The following TAF3 variants were observed in gnomAD, a reference collection of about 807,000 sequenced individuals.
TAF3 encodes the protein transcription initiation factor TFIID subunit 3.
In TAF3, 7 loss-of-function variants were observed where a neutral mutation model predicts 80.6. The observed-to-expected ratio is 0.09, with a 90% CI of 0.05 to 0.16. The LOEUF is 0.16. Among genes scored for constraint, TAF3 ranks in the 10% least tolerant of loss-of-function variants. TAF3 has a pLI of 1.00. For missense variants in TAF3, 921 were observed against 1,140.2 expected (o/e 0.81, Z 2.77); for synonymous variants, 444 against 446.1 (o/e 1.00, Z 0.06).
At chr10:8,002,717 T>C (rs1261090809) in intron 4 of TAF3, among the ~76,000 whole-genome samples, 1 of 152,218 alleles carries the variant, frequency 6.6e-6, no homozygotes, top group Non-Finnish European at 1.5e-5. Flanking sequence ...ATTATTCTTA[T>C]TCAAACCTAT....
At chr10:7,990,994 A>G (rs180752858) in intron 4 of TAF3, among the ~76,000 whole-genome samples, 48 of 152,332 alleles carry the variant, frequency 3.2e-4, no homozygotes, top group Admixed American at 1.4e-3. Flanking sequence ...CAGCTCTCAG[A>G]TGCCTTCAAC....
chr10:7,895,427 GT>G (rs1837495800), intron 2 of TAF3, among the ~76,000 whole-genome samples: 1 of 152,168 alleles, frequency 6.6e-6, no homozygotes, highest in Non-Finnish European at 1.5e-5. Context: ...CCACGGCTCT[GT>G]TTTTAAGCAT....
intron 4 of TAF3, among the ~76,000 whole-genome samples, chr10:8,002,633 A>G (rs1177400999): frequency 6.6e-6 from 1 of 152,190 alleles, no homozygotes; most frequent in African/African-American, 2.4e-5. Flanking sequence ...ATTGTTCAGT[A>G]TATTTTAGAA....
chr10:7,858,042 G>A (rs2490304), intron 2 of TAF3, among the ~76,000 whole-genome samples: 52,928 of 151,456 alleles, frequency 0.35, 9,249 homozygotes, highest in South Asian at 0.44. Flanking sequence ...AAAGAGGTTT[G>A]AACGGCCTCA....
At chr10:7,978,958 T>G (rs1420826856) in intron 4 of TAF3, among the ~76,000 whole-genome samples, 5 of 148,962 alleles carry the variant, frequency 3.4e-5, no homozygotes, top group African/African-American at 5.0e-5. Context: ...GGAAGATCAC[T>G]TGAGGCCAGG....
chr10:7,963,957 A>G lies in TAF3; in HGVS notation c.447A>G (p.Thr149=), dbSNP rs748383469. 1.2e-6 allele frequency: 2 copies of G among 1,613,330 alleles called. No individual in the cohort carries two copies. The highest frequency in any genetic ancestry group is 1.7e-5 in the Admixed American group (1 of 59,962). The change falls in exon 3 of 7, where the codon ACA becomes ACG. Residue 149 remains threonine (T), a synonymous_variant. Coordinates refer to ENST00000344293, the MANE Select transcript of TAF3 (RefSeq NM_031923.4). ...AGCAGGTGCCCACTGATGGAGGCAC[A>G]TCAGCAGAAGCCATGCAGGTTCCCT... The part of the protein sequence containing the change: ...EEEQVPTDGG[T]SAEAMQVPLE...
Position 7,818,741 on chromosome 10 carries a change from G to T in TAF3, c.32G>T (p.Arg11Met), listed in dbSNP as rs905199413. The T allele has an allele frequency of 1.0e-5, 16 of 1,605,152 alleles. No homozygotes were observed. The highest frequency in any genetic ancestry group is 1.3e-5 in the Non-Finnish European group (15 of 1,178,416). MCESYSRSLL[R>M]VSVAQICQAL... ...GAGAGTTACTCCAGGTCGTTGTTGA[G>T]GGTCTCGGTGGCGCAGATCTGCCAG... The change falls in exon 1 of 7, where the codon AGG becomes ATG. Residue 11 changes from arginine to methionine, a missense_variant. Physicochemically the swap from Arg to Met is moderately conservative, Grantham distance 91. This residue lies in a region of TAF3 where 106 missense variants were observed against 191.8 expected (regional missense o/e 0.55). Coordinates refer to ENST00000344293, the MANE Select transcript of TAF3 (RefSeq NM_031923.4).
At chr10:7,984,421 A>T (rs1831757696) in intron 4 of TAF3, among the ~76,000 whole-genome samples, 1 of 152,218 alleles carries the variant, frequency 6.6e-6, no homozygotes, top group South Asian at 2.1e-4. Flanking sequence ...CAGTTCTTAC[A>T]TAGATGCCGC....
intron 2 of TAF3, among the ~76,000 whole-genome samples, chr10:7,878,021 C>T (rs1837326496): frequency 6.6e-6 from 1 of 152,140 alleles, no homozygotes; most frequent in Admixed American, 6.5e-5. Flanking sequence ...ATTCAGTAAA[C>T]ATTTTTTTTA....
chr10:7,868,447 A>C (rs1448338409), intron 2 of TAF3, among the ~76,000 whole-genome samples: 1 of 151,906 alleles, frequency 6.6e-6, no homozygotes, highest in Non-Finnish European at 1.5e-5. Flanking sequence ...CATAGCAGCC[A>C]AGCTCTAGTG....
chr10:7,825,949 C>G (rs1564341407), intron 2 of TAF3, among the ~76,000 whole-genome samples: 1 of 152,204 alleles, frequency 6.6e-6, no homozygotes, highest in African/African-American at 2.4e-5. Flanking sequence ...GCTGTACCAT[C>G]TAAGCTTCCT....
intron 2 of TAF3, among the ~76,000 whole-genome samples, chr10:7,885,050 A>C (rs1461806387): frequency 6.6e-6 from 1 of 151,904 alleles, no homozygotes; most frequent in Non-Finnish European, 1.5e-5. Flanking sequence ...TGTGTTCACA[A>C]GATACTTGGA....
intron 4 of TAF3, among the ~76,000 whole-genome samples, chr10:8,001,366 A>G (rs992877322): frequency 9.2e-5 from 14 of 151,942 alleles, no homozygotes; most frequent in Admixed American, 9.2e-4. Flanking sequence ...AAAATGGAAC[A>G]TTTTTTTCTT....
chr10:7,845,473 C>T (rs1336712710), intron 2 of TAF3, among the ~76,000 whole-genome samples: 4 of 152,162 alleles, frequency 2.6e-5, no homozygotes, highest in African/African-American at 7.2e-5. Context: ...ACCCAAAGTG[C>T]ATAAAATGCA....
intron 4 of TAF3, among the ~76,000 whole-genome samples, chr10:7,996,919 C>G (rs907384927): frequency 4.7e-5 from 7 of 150,140 alleles, no homozygotes; most frequent in Admixed American, 1.3e-4. Flanking sequence ...GTGTCAAACT[C>G]CTGAGCTCAC....
intron 4 of TAF3, among the ~76,000 whole-genome samples, chr10:7,978,321 A>G (rs1413399706): frequency 1.3e-5 from 2 of 152,174 alleles, no homozygotes; most frequent in African/African-American, 4.8e-5. Flanking sequence ...TAAAAGTTAC[A>G]TGTATTGATA....
intron 2 of TAF3, among the ~76,000 whole-genome samples, chr10:7,883,541 C>T (rs972484080): frequency 6.6e-6 from 1 of 152,174 alleles, no homozygotes; most frequent in Admixed American, 6.5e-5. Context: ...TACTTTGAGA[C>T]TATGTAAATA....
chr10:7,896,431 T>C (rs1230963520), intron 2 of TAF3, among the ~76,000 whole-genome samples: 1 of 152,182 alleles, frequency 6.6e-6, no homozygotes, highest in Non-Finnish European at 1.5e-5. Flanking sequence ...TTTTCAACTT[T>C]GTCTTTGAGA....
At chr10:7,904,829 G>A (rs961918174) in intron 2 of TAF3, among the ~76,000 whole-genome samples, 1 of 152,036 alleles carries the variant, frequency 6.6e-6, no homozygotes, top group Non-Finnish European at 1.5e-5. Flanking sequence ...ACACGGGGCC[G>A]ACCGTAACTG....
Sources: gnomAD v4.1 joint callset for allele counts (sites outside exome capture counted in the v4.1 genomes callset) on GRCh38, gnomAD v4.1.1 for gene constraint, gnomAD v4.1.1 regional missense constraint, MANE v1.5 for transcripts, NCBI Gene and HGNC (gene_info 2026-07-23, HGNC 2026-07-21) for gene names.